The following CDK14 variants were observed in gnomAD, a reference collection of about 807,000 sequenced individuals.
CDK14 encodes cyclin-dependent kinase 14.
In CDK14, 34 loss-of-function variants were observed where a neutral mutation model predicts 60.7. That is an observed-to-expected ratio of 0.56 (90% CI 0.43 to 0.75). CDK14 has a LOEUF of 0.75. Among genes scored for constraint, CDK14 ranks in the 30% least tolerant of loss-of-function variants. The probability of loss-of-function intolerance (pLI) is 0.00; values close to 1 mark genes in which losing one functional copy is unlikely to be tolerated. For synonymous variants in CDK14, 197 were observed against 203.7 expected (o/e 0.97, Z 0.28); for missense variants, 482 against 564.1 (o/e 0.85, Z 1.47).
intron 2 of CDK14, among the ~76,000 whole-genome samples, chr7:90,676,725 G>A (rs1801207186): frequency 6.6e-6 from 1 of 151,894 alleles, no homozygotes; most frequent in Admixed American, 6.6e-5. Context: ...TGGTAAAGAT[G>A]GGGTCTCACT....
At chr7:90,905,908 C>T (rs1792681040) in intron 7 of CDK14, among the ~76,000 whole-genome samples, 1 of 152,102 alleles carries the variant, frequency 6.6e-6, no homozygotes, top group Non-Finnish European at 1.5e-5. Flanking sequence ...TGCATGGAAG[C>T]AGACAACCCT....
At chr7:90,742,942 G>T (rs1269744258) in intron 3 of CDK14, among the ~76,000 whole-genome samples, 2 of 151,928 alleles carry the variant, frequency 1.3e-5, no homozygotes, top group African/African-American at 4.8e-5. Context: ...ATATACATGA[G>T]ATATCTTAGG....
intron 5 of CDK14, among the ~76,000 whole-genome samples, chr7:90,843,707 G>A (rs1332839739): frequency 1.3e-5 from 2 of 152,122 alleles, no homozygotes; most frequent in African/African-American, 2.4e-5. Flanking sequence ...AGAGCCAGGA[G>A]CAGTGTCTTG....
intron 10 of CDK14, among the ~76,000 whole-genome samples, chr7:91,044,737 C>T (rs1797185398): frequency 1.3e-5 from 2 of 152,272 alleles, no homozygotes; most frequent in South Asian, 4.1e-4. Context: ...AGCTTTATCT[C>T]TTGCCCTTTC....
intron 2 of CDK14, among the ~76,000 whole-genome samples, chr7:90,660,709 A>G (rs1391769027): frequency 1.3e-5 from 2 of 152,246 alleles, no homozygotes; most frequent in African/African-American, 2.4e-5. Context: ...ATTCAATTCA[A>G]TGATCTTTCA....
intron 5 of CDK14, among the ~76,000 whole-genome samples, chr7:90,858,182 CTT>C (rs777131316): frequency 5.3e-5 from 8 of 152,090 alleles, no homozygotes; most frequent in African/African-American, 1.9e-4. Flanking sequence ...TGAAAAATGA[CTT>C]GATGCTTTTC....
intron 11 of CDK14, among the ~76,000 whole-genome samples, chr7:91,065,841 T>C (rs1412079806): frequency 6.6e-6 from 1 of 152,230 alleles, no homozygotes; most frequent in Non-Finnish European, 1.5e-5. Context: ...CTGTGCCTTC[T>C]AGCCAAAAGG....
At chr7:90,727,179 A>G (rs913143682) in intron 3 of CDK14, among the ~76,000 whole-genome samples, 2 of 152,166 alleles carry the variant, frequency 1.3e-5, no homozygotes, top group Non-Finnish European at 2.9e-5. Context: ...TTCACAAGGA[A>G]TTTCATTGCA....
At position 90,736,260 on chromosome 7, in the gene CDK14, C is replaced by A. The variant is rs771843239; in HGVS notation, c.369+9448C>A. 1.6e-4 allele frequency among the ~76,000 whole-genome samples: 24 copies of A among 150,884 alleles called. No individual in the cohort carries two copies. In the Middle Eastern group the frequency reaches 0.014, roughly 86 times the overall value. The stretch of plus-strand genomic sequence containing the variant: ...CTGGGAGCTGCAGATGGGAGCTGTT[C>A]CTATTTGGCCATCTTGCCAGCAAAT... On this transcript the variant is annotated intron_variant, in intron 3 of 14. Transcript: ENST00000380050.
intron 14 of CDK14, among the ~76,000 whole-genome samples, chr7:91,194,664 A>G (rs941964430): frequency 2.6e-5 from 4 of 152,214 alleles, no homozygotes; most frequent in Non-Finnish European, 5.9e-5. Flanking sequence ...CAGACTGGAA[A>G]ACAAACAGCA....
chr7:91,083,323 A>AG (rs1798533761), intron 12 of CDK14, among the ~76,000 whole-genome samples: 2 of 152,320 alleles, frequency 1.3e-5, no homozygotes, highest in South Asian at 4.1e-4. Flanking sequence ...TATAACTCAA[A>AG]GGGTGAGCTG....
At position 90,649,334 on chromosome 7, in the gene CDK14, T is replaced by TTCCG. The variant is rs1158061214; in HGVS notation, c.123+45088_123+45089insGTCC. ...TTTCCTTCCTTCCTTCCTTCCTTCC[T>TTCCG]TCCTTCCTTCCTTCCTTCCTTCCTT... On this transcript the variant is annotated intron_variant, in intron 2 of 14. Coordinates refer to ENST00000380050, the MANE Select transcript of CDK14 (RefSeq NM_001287135.2). Among the ~76,000 whole-genome samples, 29 of 47,608 alleles carry TTCCG rather than the reference T, an allele frequency of 6.1e-4. 1 individual carries two copies. The highest frequency in any genetic ancestry group is 3.0e-3 in the African/African-American group (23 of 7,726). 31.2% of individuals were successfully genotyped at this position (47,608 alleles called of 152,430 possible). A position where few individuals can be genotyped will look rare whatever the true frequency, so the allele number is the denominator to read the frequency against.
intron 9 of CDK14, among the ~76,000 whole-genome samples, chr7:90,967,669 C>A (rs3808268): frequency 0.75 from 113,663 of 152,102 alleles, 42,559 homozygotes; most frequent in East Asian, 0.78. Context: ...GGTCATAATT[C>A]TTTAAAAAGA....
intron 10 of CDK14, among the ~76,000 whole-genome samples, chr7:90,998,894 T>A (rs1024724523): frequency 5.2e-5 from 6 of 115,602 alleles, no homozygotes; most frequent in Non-Finnish European, 7.5e-5. Flanking sequence ...ATCTCAAAAA[T>A]AAAATAAATA....
chr7:91,059,521 T>A (rs1266001767), intron 11 of CDK14, among the ~76,000 whole-genome samples: 3 of 152,120 alleles, frequency 2.0e-5, no homozygotes, highest in Non-Finnish European at 4.4e-5. Context: ...AGATCTTTCC[T>A]ACTTTCTCTT....
At position 91,178,857 on chromosome 7, in the gene CDK14, A is replaced by C. The variant is rs367681077; in HGVS notation, c.*29-28308A>C. Among the ~76,000 whole-genome samples the C allele has an allele frequency of 2.6e-5, 4 of 151,554 alleles. No individual in the cohort carries two copies. The East Asian group carries it at 7.8e-4, about 29-fold the overall frequency. On this transcript the variant is annotated intron_variant, in intron 14 of 14. Coordinates refer to ENST00000380050, the MANE Select transcript of CDK14 (RefSeq NM_001287135.2). ...AAATAGGAACACTTTTACACTGTTG[A>C]TGGGACTGTAAACTAGTTCAACCAT...
intron 8 of CDK14, among the ~76,000 whole-genome samples, chr7:90,924,302 T>G (rs1307651114): frequency 6.6e-6 from 1 of 152,216 alleles, no homozygotes; most frequent in Non-Finnish European, 1.5e-5. Context: ...AATGGATTGA[T>G]CCATTCCTGA....
At chr7:90,890,003 T>C (rs1792063814) in intron 6 of CDK14, among the ~76,000 whole-genome samples, 1 of 152,246 alleles carries the variant, frequency 6.6e-6, no homozygotes, top group Non-Finnish European at 1.5e-5. Context: ...ATATGGAATT[T>C]TAATATAGCA....
intron 2 of CDK14, among the ~76,000 whole-genome samples, chr7:90,662,415 CA>C (rs1183472566): frequency 6.6e-6 from 1 of 152,184 alleles, no homozygotes; most frequent in Non-Finnish European, 1.5e-5. Flanking sequence ...GTGCCCTTGG[CA>C]AAGCCAGAGA....
Sources: allele counts gnomAD v4.1 joint callset (sites outside exome capture counted in the v4.1 genomes callset), GRCh38; gene constraint gnomAD v4.1.1; transcripts MANE v1.5; gene names NCBI Gene and HGNC (gene_info 2026-07-23, HGNC 2026-07-21).